NEXMIF: variants seen among roughly 807,000 people sequenced by gnomAD.
The protein encoded by NEXMIF is neurite extension and migration factor, also known as XLMR protein related to neurite extension.
In NEXMIF, 8 loss-of-function variants were observed where a neutral mutation model predicts 62.1. The observed-to-expected ratio is 0.13, with a 90% CI of 0.08 to 0.23. The LOEUF (loss-of-function observed/expected upper bound fraction) is 0.23. Ranked by LOEUF, NEXMIF falls within the 10% of genes least tolerant of loss-of-function variation. The pLI, the probability that NEXMIF is intolerant of heterozygous loss-of-function variation, is 1.00. For synonymous variants in NEXMIF, 404 were observed against 416.6 expected, an observed-to-expected ratio of 0.97 and a Z score of 0.37; for missense variants, 976 against 1,113.3, an observed-to-expected ratio of 0.88 and a Z score of 1.75.
intron 1 of NEXMIF, among the ~76,000 whole-genome samples, chrX:74,886,063 A>G (rs1000381212): frequency 1.6e-4 from 18 of 112,191 alleles, no homozygotes; most frequent in Non-Finnish European, 2.8e-4. Context: ...GGTTATCTCA[A>G]TAGATGCAGA....
chrX:74,912,529 C>T (rs1413422738), intron 1 of NEXMIF, among the ~76,000 whole-genome samples: 2 of 111,394 alleles, frequency 1.8e-5, no homozygotes, highest in African/African-American at 6.5e-5. Context: ...TAACTCTGCC[C>T]TACTGGATCC....
intron 1 of NEXMIF, among the ~76,000 whole-genome samples, chrX:74,816,612 C>G (rs2080376921): frequency 9.0e-6 from 1 of 111,668 alleles, no homozygotes; most frequent in Non-Finnish European, 1.9e-5. Context: ...CTTTTAAAAG[C>G]TAGATTAATA....
In NEXMIF at chrX:74,744,214, G is replaced by C. The variant is rs1295176367; in HGVS notation, c.343C>G (p.Pro115Ala). Residue 115 changes from proline (P) to alanine (A), a missense_variant, in exon 3 of 4, where the codon CCC becomes GCC. Around this residue, in one of 5 missense-constraint regions of NEXMIF, gnomAD observed 126 missense variants for 146.5 expected, o/e 0.86. Coordinates refer to ENST00000055682, the MANE Select transcript of NEXMIF (RefSeq NM_001008537.3). ...AATGGAGCTTTCTCACATTCATTGG[G>C]AAGTGACCATGTGTTCAGGCCTTTT... ...IAKGLNTWSL[P>A]NECEKAPFAI... 8.3e-7 allele frequency: 1 copy of C among 1,209,605 alleles called. No individual in the cohort carries two copies. The highest frequency in any genetic ancestry group is 1.1e-6 in the Non-Finnish European group (1 of 895,145).
At chrX:74,804,931 G>T (rs2080340465) in intron 1 of NEXMIF, among the ~76,000 whole-genome samples, 1 of 111,891 alleles carries the variant, frequency 8.9e-6, no homozygotes, top group Admixed American at 9.5e-5. Flanking sequence ...CACTAGATGT[G>T]CGATTCCCCT....
chrX:74,804,013 T>C (rs2080337879), intron 1 of NEXMIF, among the ~76,000 whole-genome samples: 1 of 111,689 alleles, frequency 9.0e-6, no homozygotes, highest in African/African-American at 3.3e-5. Flanking sequence ...AAAGACAGGA[T>C]ATTATAGAAC....
chrX:74,870,890 G>A (rs1291024022), intron 1 of NEXMIF, among the ~76,000 whole-genome samples: 1 of 111,901 alleles, frequency 8.9e-6, no homozygotes, highest in Non-Finnish European at 1.9e-5. Context: ...TAGTACAATC[G>A]CTATGCAGAA....
chrX:74,852,004 T>G (rs1390248453), intron 1 of NEXMIF, among the ~76,000 whole-genome samples: 1 of 110,758 alleles, frequency 9.0e-6, no homozygotes, highest in Non-Finnish European at 1.9e-5. Context: ...GCATTCCACT[T>G]AAAAGATATA....
In NEXMIF at chrX:74,743,997, A is replaced by G; in HGVS notation, c.560T>C (p.Ile187Thr). ...ATATTTCATATTTTCTCCAGCATTA[A>G]TACACTGAATCCCTATATCAGAGAC... The part of the protein sequence containing the change: ...CAVSDIGIQC[I>T]NAGENMKYGE... The change falls in exon 3 of 4, where the codon ATT (isoleucine) becomes ACT (threonine). Residue 187 changes from isoleucine to threonine, a missense_variant. Ile to Thr is a moderately conservative substitution (Grantham distance 89, BLOSUM62 -1). This residue lies in a region of NEXMIF where 126 missense variants were observed against 146.5 expected (regional missense o/e 0.86). Coordinates refer to ENST00000055682, the MANE Select transcript of NEXMIF (RefSeq NM_001008537.3). 1 of 1,210,670 alleles carries G rather than the reference A, an allele frequency of 8.3e-7. No individual in the cohort carries two copies. Among genetic ancestry groups the G allele is most frequent in the East Asian group, 3.0e-5 (1 of 33,809 alleles).
At chrX:74,813,893 A>G (rs1443051568) in intron 1 of NEXMIF, among the ~76,000 whole-genome samples, 1 of 112,043 alleles carries the variant, frequency 8.9e-6, no homozygotes, top group Non-Finnish European at 1.9e-5. Flanking sequence ...TTTACTCTAA[A>G]TGGCAATATA....
intron 1 of NEXMIF, among the ~76,000 whole-genome samples, chrX:74,863,864 A>G (rs2080567341): frequency 1.8e-5 from 2 of 112,359 alleles, no homozygotes; most frequent in Non-Finnish European, 3.8e-5. Context: ...AATCCTCAGT[A>G]AAATACTGGC....
intron 1 of NEXMIF, among the ~76,000 whole-genome samples, chrX:74,882,352 G>A (rs925395414): frequency 2.0e-4 from 22 of 112,013 alleles, no homozygotes; most frequent in African/African-American, 6.8e-4. Context: ...TCAAGGCTTC[G>A]CCTCACCCGG....
chrX:74,740,263 T>A lies in NEXMIF; in HGVS notation c.4294A>T (p.Ser1432Cys), dbSNP rs764248445. Residue 1432 changes from serine (S) to cysteine (C), a missense_variant, in exon 3 of 4, where the codon AGT (serine) becomes TGT (cysteine). Ser to Cys is a moderately radical substitution (Grantham distance 112, BLOSUM62 -1). Transcript: ENST00000055682. ...SRSTFFDKKY[S>C]NMSTLGNNGP... ...TTATTGCCTAAAGTGCTCATGTTACTATACTTTTTATCAAAGAAGGTAGAG... is the reference window on the plus strand; with the variant it reads ...TTATTGCCTAAAGTGCTCATGTTACAATACTTTTTATCAAAGAAGGTAGAG... 5.8e-6 allele frequency: 7 copies of A among 1,209,615 alleles called. No homozygotes were observed. The highest frequency in any genetic ancestry group is 7.8e-6 in the Non-Finnish European group (7 of 895,184).
intron 1 of NEXMIF, among the ~76,000 whole-genome samples, chrX:74,839,532 A>T (rs1009703252): frequency 8.9e-6 from 1 of 111,805 alleles, no homozygotes; most frequent in Non-Finnish European, 1.9e-5. Flanking sequence ...CCCAGTACCC[A>T]ATAGTTATCT....
intron 1 of NEXMIF, among the ~76,000 whole-genome samples, chrX:74,825,302 G>T (rs991022561): frequency 9.0e-6 from 1 of 110,974 alleles, no homozygotes; most frequent in African/African-American, 3.3e-5. Flanking sequence ...CGTGTCATGG[G>T]GTTGCGTTGT....
chrX:74,832,048 T>C (rs749045760), intron 1 of NEXMIF, among the ~76,000 whole-genome samples: 3 of 112,409 alleles, frequency 2.7e-5, no homozygotes, highest in Admixed American at 1.9e-4. Context: ...GCAATATTCA[T>C]CAGAGATATT....
intron 1 of NEXMIF, among the ~76,000 whole-genome samples, chrX:74,874,404 T>C (rs1179166010): frequency 9.1e-5 from 10 of 109,470 alleles, no homozygotes; most frequent in African/African-American, 3.0e-4. Context: ...AGCCTTGTAG[T>C]ATAGTTTGAA....
intron 1 of NEXMIF, among the ~76,000 whole-genome samples, chrX:74,910,421 G>A (rs976583821): frequency 6.2e-5 from 7 of 112,020 alleles, no homozygotes; most frequent in African/African-American, 2.3e-4. Context: ...CTCCCATTTG[G>A]ACAGATGTAT....
chrX:74,784,233 T>G (rs1478196507), intron 1 of NEXMIF, among the ~76,000 whole-genome samples: 1 of 111,800 alleles, frequency 8.9e-6, no homozygotes, highest in Non-Finnish European at 1.9e-5. Flanking sequence ...TGCCTATGCC[T>G]TCTGCAAAGG....
At chrX:74,849,007 C>G (rs1187687217) in intron 1 of NEXMIF, among the ~76,000 whole-genome samples, 1 of 111,904 alleles carries the variant, frequency 8.9e-6, no homozygotes, top group East Asian at 2.8e-4. Flanking sequence ...TCTGTTGTTT[C>G]TAAGCCAGCC....
Sources: gnomAD v4.1 joint callset for allele counts (sites outside exome capture counted in the v4.1 genomes callset) on GRCh38, gnomAD v4.1.1 for gene constraint, gnomAD v4.1.1 regional missense constraint, MANE v1.5 for transcripts, NCBI Gene and HGNC (gene_info 2026-07-23, HGNC 2026-07-21) for gene names.